GRIA4: variants seen among roughly 807,000 people sequenced by gnomAD.
The protein encoded by GRIA4 is glutamate receptor 4.
GRIA4 carries 34 observed loss-of-function variants against 104.0 expected under a neutral mutation model. The ratio of observed to expected loss-of-function variants is 0.33; its 90% CI spans 0.25 to 0.44. GRIA4 has a LOEUF of 0.44. GRIA4 is among the 20% of genes least tolerant of loss of function. GRIA4 has a pLI of 1.00. For synonymous variants in GRIA4, 386 were observed against 381.9 expected (o/e 1.01, Z -0.13); for missense variants, 750 against 1,096.5 (o/e 0.68, Z 4.46).
rs565801383 is a variant in GRIA4, at chr11:105,934,241, C to T, written c.2294+272C>T. On this transcript the variant is annotated intron_variant, in intron 14 of 16. Coordinates refer to ENST00000282499, the MANE Select transcript of GRIA4 (RefSeq NM_000829.4). ...TCCAGTGGGCCTAAGGCATGGGTAGCATATGCTTCTTTATATCTCATCAAA... is the reference window on the plus strand; with the variant it reads ...TCCAGTGGGCCTAAGGCATGGGTAGTATATGCTTCTTTATATCTCATCAAA... Among the ~76,000 whole-genome samples the T allele has an allele frequency of 8.5e-5, 13 of 152,100 alleles. 1 individual carries two copies. The South Asian group carries it at 2.5e-3, about 29-fold the overall frequency.
chr11:105,841,986 G>GT (rs760204063), intron 4 of GRIA4, among the ~76,000 whole-genome samples: 12 of 152,122 alleles, frequency 7.9e-5, no homozygotes, highest in Admixed American at 2.6e-4. Context: ...TAAGTGGGGT[G>GT]TTTTTTAATT....
chr11:105,942,656 C>T (rs1338040636), intron 14 of GRIA4, among the ~76,000 whole-genome samples: 1 of 152,030 alleles, frequency 6.6e-6, no homozygotes, highest in African/African-American at 2.4e-5. Context: ...TTAGTATAAA[C>T]ATAGATTCAC....
intron 3 of GRIA4, among the ~76,000 whole-genome samples, chr11:105,635,979 C>T (rs1951191328): frequency 6.6e-6 from 1 of 152,136 alleles, no homozygotes; most frequent in African/African-American, 2.4e-5. Flanking sequence ...CTGAATATTT[C>T]ATATGAACTC....
intron 3 of GRIA4, among the ~76,000 whole-genome samples, chr11:105,661,926 T>C (rs1368781641): frequency 6.6e-6 from 1 of 151,740 alleles, no homozygotes; most frequent in Non-Finnish European, 1.5e-5. Flanking sequence ...AAAATGACTA[T>C]ATTTTTTCCA....
intron 5 of GRIA4, among the ~76,000 whole-genome samples, chr11:105,873,665 A>G (rs1945707120): frequency 6.6e-6 from 1 of 152,136 alleles, no homozygotes; most frequent in Admixed American, 6.6e-5. Context: ...CATTTCTCTA[A>G]TGACCAGTGA....
At chr11:105,638,249 C>A (rs1951261954) in intron 3 of GRIA4, among the ~76,000 whole-genome samples, 1 of 152,036 alleles carries the variant, frequency 6.6e-6, no homozygotes, top group East Asian at 1.9e-4. Flanking sequence ...AAGTAGCAGG[C>A]AGGTCATGCT....
chr11:105,856,937 C>T (rs1052036976), intron 4 of GRIA4, among the ~76,000 whole-genome samples: 4 of 152,114 alleles, frequency 2.6e-5, no homozygotes, highest in African/African-American at 9.7e-5. Context: ...TCAAGACATT[C>T]CATCTTATCT....
intron 4 of GRIA4, among the ~76,000 whole-genome samples, chr11:105,819,589 G>C (rs189422295): frequency 1.6e-4 from 24 of 152,142 alleles, no homozygotes; most frequent in Middle Eastern, 3.4e-3. Context: ...AACATTTGTG[G>C]GAGTTTCTCT....
intron 5 of GRIA4, among the ~76,000 whole-genome samples, chr11:105,883,864 A>T (rs1490730388): frequency 6.6e-6 from 1 of 152,164 alleles, no homozygotes; most frequent in Non-Finnish European, 1.5e-5. Context: ...TGTCTTCTAC[A>T]ATGGTTGAAC....
At chr11:105,912,936 C>T (rs931516715) in intron 10 of GRIA4, 13 of 974,058 alleles carry the variant, frequency 1.3e-5, no homozygotes, top group Non-Finnish European at 1.5e-5. Flanking sequence ...ATATGTGATA[C>T]CTATATCTAG....
intron 3 of GRIA4, among the ~76,000 whole-genome samples, chr11:105,690,066 C>G (rs1458886402): frequency 1.3e-5 from 2 of 152,166 alleles, no homozygotes; most frequent in African/African-American, 4.8e-5. Flanking sequence ...ATCCAAGAAT[C>G]ATTTGATTTC....
chr11:105,681,981 G>C (rs1164992396), intron 3 of GRIA4, among the ~76,000 whole-genome samples: 1 of 152,088 alleles, frequency 6.6e-6, no homozygotes, highest in African/African-American at 2.4e-5. Context: ...GGCAGAGTTT[G>C]CAGGGCAGAG....
intron 3 of GRIA4, among the ~76,000 whole-genome samples, chr11:105,664,773 A>G (rs1422435075): frequency 3.3e-5 from 5 of 151,976 alleles, no homozygotes; most frequent in African/African-American, 1.2e-4. Context: ...CGGGATCTCA[A>G]ATATAATTAT....
intron 7 of GRIA4, among the ~76,000 whole-genome samples, chr11:105,903,320 G>A (rs539710383): frequency 6.6e-6 from 1 of 152,156 alleles, no homozygotes; most frequent in Admixed American, 6.5e-5. Context: ...ATTCTTCTGG[G>A]AGACTGAACA....
chr11:105,825,596 G>C (rs1476678798), intron 4 of GRIA4, among the ~76,000 whole-genome samples: 1 of 152,042 alleles, frequency 6.6e-6, no homozygotes, highest in Non-Finnish European at 1.5e-5. Flanking sequence ...CAAGAATACA[G>C]TAATTTACAA....
At chr11:105,827,002 A>C (rs1176697869) in intron 4 of GRIA4, among the ~76,000 whole-genome samples, 1 of 151,912 alleles carries the variant, frequency 6.6e-6, no homozygotes, top group African/African-American at 2.4e-5. Flanking sequence ...ATACCTATGG[A>C]TTTTTTTCCA....
intron 12 of GRIA4, among the ~76,000 whole-genome samples, chr11:105,925,018 T>C (rs1004148184): frequency 2.6e-5 from 4 of 152,188 alleles, no homozygotes; most frequent in African/African-American, 9.6e-5. Flanking sequence ...TTAGTATTAA[T>C]ATTTCATTCA....
chr11:105,659,166 C>T (rs1016437532), intron 3 of GRIA4, among the ~76,000 whole-genome samples: 13 of 151,948 alleles, frequency 8.6e-5, no homozygotes, highest in East Asian at 1.9e-4. Context: ...GTGGTAGCTG[C>T]GGGGATTGTC....
At chr11:105,748,963 C>T (rs765539932) in intron 3 of GRIA4, among the ~76,000 whole-genome samples, 5 of 151,986 alleles carry the variant, frequency 3.3e-5, no homozygotes, top group South Asian at 4.1e-4. Context: ...TAATTAAAGC[C>T]GCAGAATTGG....
Sources: gnomAD v4.1 joint callset for allele counts (sites outside exome capture counted in the v4.1 genomes callset) on GRCh38, gnomAD v4.1.1 for gene constraint, MANE v1.5 for transcripts, NCBI Gene and HGNC (gene_info 2026-07-23, HGNC 2026-07-21) for gene names.